Variants in SAMD4A observed in about 807,000 individuals in gnomAD.
SAMD4A encodes protein Smaug homolog 1.
Under a neutral mutation model 81.3 loss-of-function variants are expected in SAMD4A, and 33 were observed. The observed-to-expected ratio is 0.41, with a 90% confidence interval of 0.31 to 0.54. The LOEUF (loss-of-function observed/expected upper bound fraction) is 0.54. Among genes scored for constraint, SAMD4A ranks in the 20% least tolerant of loss-of-function variants. The probability of loss-of-function intolerance (pLI) is 0.37; values close to 1 mark genes in which losing one functional copy is unlikely to be tolerated. For synonymous variants in SAMD4A, 389 were observed against 382.1 expected (o/e 1.02, Z -0.21); for missense variants, 854 against 951.1 (o/e 0.90, Z 1.34).
At chr14:54,655,301 T>A (rs980971340) in intron 2 of SAMD4A, among the ~76,000 whole-genome samples, 1 of 152,238 alleles carries the variant, frequency 6.6e-6, no homozygotes, top group Non-Finnish European at 1.5e-5. Context: ...GCACACACTT[T>A]CCTTGAGGAA....
chr14:54,639,801 A>AACACACACACAC (rs10677522), intron 2 of SAMD4A, among the ~76,000 whole-genome samples: 280 of 148,944 alleles, frequency 1.9e-3, no homozygotes, highest in African/African-American at 5.9e-3. Context: ...CATTGCTTGA[A>AACACACACACAC]ACACACACAC....
intron 9 of SAMD4A, among the ~76,000 whole-genome samples, chr14:54,772,046 G>A (rs749049130): frequency 5.3e-5 from 8 of 152,180 alleles, no homozygotes; most frequent in Non-Finnish European, 1.2e-4. Context: ...CTATAAGGCT[G>A]GAAAATGTTT....
rs565810647 is a variant in SAMD4A, at chr14:54,720,645, T to G, written c.716-16379T>G. On this transcript the variant is annotated intron_variant, in intron 3 of 12. Transcript: ENST00000554335. Reference sequence around the variant, plus strand: ...GGTGCTAAGATGACAGTTGCCTTGCTGAGCAGGGTAGAAGGGAGAATCTGA... The same window carrying G: ...GGTGCTAAGATGACAGTTGCCTTGCGGAGCAGGGTAGAAGGGAGAATCTGA... 9.2e-5 allele frequency among the ~76,000 whole-genome samples: 14 copies of G among 152,328 alleles called. No individual in the cohort carries two copies. The East Asian group carries it at 2.1e-3, about 23-fold the overall frequency.
chr14:54,596,204 G>T (rs999729452), intron 2 of SAMD4A, among the ~76,000 whole-genome samples: 1 of 152,298 alleles, frequency 6.6e-6, no homozygotes, highest in Admixed American at 6.5e-5. Flanking sequence ...AAAGATGTAG[G>T]CAGGATTCAG....
intron 2 of SAMD4A, among the ~76,000 whole-genome samples, chr14:54,643,782 T>A (rs1156830154): frequency 6.6e-6 from 1 of 152,244 alleles, no homozygotes; most frequent in African/African-American, 2.4e-5. Flanking sequence ...GACTTACTTC[T>A]CCCTGACTGA....
intron 2 of SAMD4A, among the ~76,000 whole-genome samples, chr14:54,610,105 T>A (rs1189290353): frequency 6.6e-6 from 1 of 152,226 alleles, no homozygotes; most frequent in African/African-American, 2.4e-5. Flanking sequence ...ATTTTAGATA[T>A]GACCCTGCTT....
chr14:54,568,727 ATATATATATATAT>A (rs2033035777), intron 2 of SAMD4A, among the ~76,000 whole-genome samples: 1 of 131,062 alleles, frequency 7.6e-6, no homozygotes, highest in African/African-American at 2.8e-5. Context: ...ATATATATAT[ATATATATATATAT>A]AATGCGGTTA....
intron 2 of SAMD4A, among the ~76,000 whole-genome samples, chr14:54,692,400 C>G (rs754274330): frequency 3.9e-5 from 6 of 152,182 alleles, no homozygotes; most frequent in Non-Finnish European, 8.8e-5. Context: ...ACTGTCTGGA[C>G]ATTGCCAAGG....
In SAMD4A at chr14:54,581,222, G is replaced by A. The variant is rs188158389; in HGVS notation, c.196+13110G>A. 3.0e-3 allele frequency among the ~76,000 whole-genome samples: 460 copies of A among 152,332 alleles called. 2 individuals are homozygous for A. Among genetic ancestry groups the A allele is most frequent in the Non-Finnish European group, 4.6e-3 (316 of 68,034 alleles). On this transcript the variant is annotated intron_variant, in intron 2 of 12. Coordinates refer to ENST00000554335, the MANE Select transcript of SAMD4A (RefSeq NM_015589.6). ...GTAAAAGTACTTTGTAAACTGTATC[G>A]TATTATACAAAAGCAGAGCGACATT...
intron 3 of SAMD4A, among the ~76,000 whole-genome samples, chr14:54,731,959 T>C (rs961064152): frequency 6.6e-6 from 1 of 152,180 alleles, no homozygotes; most frequent in African/African-American, 2.4e-5. Flanking sequence ...TCAAAACACA[T>C]AGTGACAGCA....
At chr14:54,767,947 T>C (rs1474154038) in intron 8 of SAMD4A, among the ~76,000 whole-genome samples, 2 of 152,176 alleles carry the variant, frequency 1.3e-5, no homozygotes, top group African/African-American at 4.8e-5. Context: ...CCGCTGCCCA[T>C]TGAGGTGCTC....
At chr14:54,730,607 C>T (rs1313489187) in intron 3 of SAMD4A, among the ~76,000 whole-genome samples, 1 of 152,190 alleles carries the variant, frequency 6.6e-6, no homozygotes, top group East Asian at 1.9e-4. Context: ...AGCAAGCATG[C>T]AGAGTTGAGG....
chr14:54,776,664 C>A (rs1400142680), intron 11 of SAMD4A, 124 bp downstream of exon 11: 8 of 1,195,514 alleles, frequency 6.7e-6, no homozygotes, highest in Non-Finnish European at 8.8e-6. Flanking sequence ...CTTATAGAAG[C>A]CTTTCCTTTT....
intron 4 of SAMD4A, among the ~76,000 whole-genome samples, chr14:54,741,663 C>T (rs1256945439): frequency 6.6e-6 from 1 of 152,118 alleles, no homozygotes; most frequent in Non-Finnish European, 1.5e-5. Context: ...AAAGACTTGC[C>T]CTGGGTCAGG....
Position 54,774,385 on chromosome 14 carries a change from TC to T in SAMD4A, c.1716-546del, listed in dbSNP as rs370724599. On this transcript the variant is annotated intron_variant, in intron 9 of 12. Coordinates refer to ENST00000554335, the MANE Select transcript of SAMD4A (RefSeq NM_015589.6). Reference sequence around the variant, plus strand: ...TTATAGTTATTTGCTGGCACACAGCTCCCTGTAGGCTTCATAACTGTCAAAA... The same window carrying T: ...TTATAGTTATTTGCTGGCACACAGCTCCTGTAGGCTTCATAACTGTCAAAA... 7.9e-5 allele frequency among the ~76,000 whole-genome samples: 12 copies of T among 152,306 alleles called. No individual in the cohort carries two copies. In the East Asian group the frequency reaches 2.3e-3, roughly 29 times the overall value.
chr14:54,630,914 G>A (rs200552907), intron 2 of SAMD4A, among the ~76,000 whole-genome samples: 13,997 of 75,716 alleles, frequency 0.18, 844 homozygotes, highest in East Asian at 0.38. Context: ...TTATATGTGT[G>A]TGTGTGTGTG....
intron 8 of SAMD4A, among the ~76,000 whole-genome samples, chr14:54,768,448 C>T (rs769181321): frequency 2.0e-5 from 3 of 152,158 alleles, no homozygotes; most frequent in Admixed American, 6.5e-5. Flanking sequence ...GAGGGGCATG[C>T]GTAAAGGCGT....
rs1240149350 is a variant in SAMD4A, at chr14:54,790,067, A to G, written c.*1123A>G. The stretch of plus-strand genomic sequence containing the variant: ...AAGTTCCACTGGAGGAGAAAAGGCA[A>G]GGATGGACTTTTTCCCCTTGTGAGA... On this transcript the variant is annotated 3_prime_UTR_variant, in exon 13 of 13. Transcript: ENST00000554335. 6.6e-6 allele frequency: 1 copy of G among 152,272 alleles called. No individual in the cohort carries two copies. Among genetic ancestry groups the G allele is most frequent in the Non-Finnish European group, 1.5e-5 (1 of 68,072 alleles). 9.4% of individuals were successfully genotyped at this position (152,272 alleles called of 1,614,324 possible). A position where few individuals can be genotyped will look rare whatever the true frequency, so the allele number is the denominator to read the frequency against.
chr14:54,638,897 T>G (rs962339611), intron 2 of SAMD4A, among the ~76,000 whole-genome samples: 5 of 152,218 alleles, frequency 3.3e-5, no homozygotes, highest in African/African-American at 1.2e-4. Context: ...TTAAATGGTG[T>G]TGTTGAAGAG....
Sources: gnomAD v4.1 joint callset for allele counts (sites outside exome capture counted in the v4.1 genomes callset) on GRCh38, gnomAD v4.1.1 for gene constraint, MANE v1.5 for transcripts, NCBI Gene and HGNC (gene_info 2026-07-23, HGNC 2026-07-21) for gene names.